Variants in NEDD4L observed in about 807,000 individuals in gnomAD.
NEDD4L encodes the protein E3 ubiquitin-protein ligase NEDD4-like.
A neutral mutation model predicts 148.9 loss-of-function variants in NEDD4L; 54 were observed. The observed-to-expected ratio is 0.36, with a 90% CI of 0.29 to 0.45. NEDD4L has a LOEUF of 0.45. Among genes scored for constraint, NEDD4L ranks in the 20% least tolerant of loss-of-function variants. The pLI is 1.00. For missense variants in NEDD4L, 856 were observed against 1,233.8 expected (o/e 0.69, Z 4.59); for synonymous variants, 433 against 440.7 (o/e 0.98, Z 0.22).
chr18:58,207,094 T>C (rs948348136), intron 2 of NEDD4L, among the ~76,000 whole-genome samples: 5 of 152,144 alleles, frequency 3.3e-5, no homozygotes, highest in Admixed American at 6.5e-5. Context: ...TGGAATCAGA[T>C]AGAATATTTT....
intron 13 of NEDD4L, among the ~76,000 whole-genome samples, chr18:58,339,352 A>G (rs746037259): frequency 6.6e-6 from 1 of 152,216 alleles, no homozygotes; most frequent in Middle Eastern, 3.2e-3. Flanking sequence ...AGGGGAGTCC[A>G]TTGAAGTGCC....
intron 1 of NEDD4L, among the ~76,000 whole-genome samples, chr18:58,145,110 G>A (rs897377794): frequency 2.0e-5 from 3 of 152,212 alleles, no homozygotes; most frequent in East Asian, 1.9e-4. Flanking sequence ...GGACGACATC[G>A]GACCCCACTG....
intron 5 of NEDD4L, chr18:58,255,607 G>C (rs114099985): frequency 1.6e-6 from 2 of 1,232,234 alleles, no homozygotes; most frequent in Admixed American, 4.2e-5. Flanking sequence ...TGTTGTTGCC[G>C]CTTGCCCTAG....
At chr18:58,330,991 G>A (rs556961452) in intron 11 of NEDD4L, 77 bp downstream of exon 11, 55 of 1,436,604 alleles carry the variant, frequency 3.8e-5, no homozygotes, top group Non-Finnish European at 4.7e-5. Flanking sequence ...AATCTCTTAC[G>A]TAAATAGTGA....
chr18:58,373,433 G>A (rs972030016), intron 24 of NEDD4L, among the ~76,000 whole-genome samples, 164 bp downstream of exon 24: 30 of 152,240 alleles, frequency 2.0e-4, no homozygotes, highest in Middle Eastern at 6.8e-3. Flanking sequence ...ATGCCAAGAC[G>A]CCACACTCCA....
intron 1 of NEDD4L, among the ~76,000 whole-genome samples, chr18:58,112,269 C>G (rs368752133): frequency 1.3e-5 from 2 of 152,154 alleles, no homozygotes; most frequent in Non-Finnish European, 2.9e-5. Flanking sequence ...AACTTTCAAG[C>G]TTAAACTGAA....
intron 2 of NEDD4L, chr18:58,193,742 G>A (rs2147235246): frequency 6.6e-6 from 1 of 152,364 alleles, no homozygotes; most frequent in South Asian, 2.1e-4. Flanking sequence ...CCTGCTCATT[G>A]TTTTTGACCT....
intron 5 of NEDD4L, among the ~76,000 whole-genome samples, chr18:58,270,178 C>A (rs572087871): frequency 6.6e-6 from 1 of 152,188 alleles, no homozygotes; most frequent in African/African-American, 2.4e-5. Flanking sequence ...GATAACTCCA[C>A]GTCTTGAAAG....
At chr18:58,161,443 T>C (rs1319278769) in intron 1 of NEDD4L, among the ~76,000 whole-genome samples, 2 of 151,582 alleles carry the variant, frequency 1.3e-5, no homozygotes, top group South Asian at 2.1e-4. Context: ...TTCTTTTTTT[T>C]TTTTTTTTTA....
In NEDD4L at chr18:58,315,950, GA is replaced by G. The variant is rs1166158053; in HGVS notation, c.298-29del. On this transcript the variant is annotated intron_variant, in intron 5 of 30. Coordinates refer to ENST00000400345, the MANE Select transcript of NEDD4L (RefSeq NM_001144967.3). Reference sequence around the variant, plus strand: ...AATGCTGACGCTCAGTGAAGAAATGGAAACACTAACTCTTTGTTCTCTTCCT... The same window carrying G: ...AATGCTGACGCTCAGTGAAGAAATGGAACACTAACTCTTTGTTCTCTTCCT... 4 of 1,584,904 alleles carry G rather than the reference GA, an allele frequency of 2.5e-6. No homozygotes were observed. The Admixed American group carries it at 5.0e-5, about 20-fold the overall frequency.
chr18:58,308,782 C>T (rs1040493759), intron 5 of NEDD4L, among the ~76,000 whole-genome samples: 3 of 152,214 alleles, frequency 2.0e-5, no homozygotes, highest in Admixed American at 6.5e-5. Context: ...TTTGTGTCTG[C>T]GTCAAGTCAG....
intron 1 of NEDD4L, among the ~76,000 whole-genome samples, chr18:58,083,993 A>C (rs2083612611): frequency 6.6e-6 from 1 of 152,164 alleles, no homozygotes; most frequent in Non-Finnish European, 1.5e-5. Flanking sequence ...AGCCCCTCAA[A>C]GTGCTGGGAT....
chr18:58,383,377 A>G, intron 25 of NEDD4L, 58 bp downstream of exon 25: 3 of 970,802 alleles, frequency 3.1e-6, no homozygotes, highest in Non-Finnish European at 4.8e-6. Flanking sequence ...ATGTTTGGTC[A>G]CTGTCCCTTG....
chr18:58,395,177 C>T (rs994252615), intron 30 of NEDD4L, among the ~76,000 whole-genome samples: 3 of 152,168 alleles, frequency 2.0e-5, no homozygotes, highest in Non-Finnish European at 1.5e-5. Context: ...TCATAATGAG[C>T]TGTGGCAAGT....
chr18:58,096,384 T>G lies in NEDD4L; in HGVS notation c.48+51676T>G, dbSNP rs2084406312. Among the ~76,000 whole-genome samples the G allele has an allele frequency of 2.1e-5, 3 of 142,650 alleles. No individual in the cohort carries two copies. The South Asian group carries it at 6.4e-4, about 30-fold the overall frequency. 93.6% of individuals were successfully genotyped at this position (142,650 alleles called of 152,430 possible). A position where few individuals can be genotyped will look rare whatever the true frequency, so the allele number is the denominator to read the frequency against. ...TTATTTTATTTTATTTTATTTTATT[T>G]TATTTTATTTTATTTTATTTTATTT... On this transcript the variant is annotated intron_variant, in intron 1 of 30. Transcript: ENST00000400345.
intron 4 of NEDD4L, among the ~76,000 whole-genome samples, chr18:58,249,389 G>A (rs1396991245): frequency 6.6e-6 from 1 of 152,124 alleles, no homozygotes; most frequent in Non-Finnish European, 1.5e-5. Context: ...GCATATATAT[G>A]TGTATAATAT....
At chr18:58,381,674 GAAC>G (rs1248831619) in intron 24 of NEDD4L, among the ~76,000 whole-genome samples, 1 of 152,142 alleles carries the variant, frequency 6.6e-6, no homozygotes. Flanking sequence ...CTTACCGAAG[GAAC>G]AACAAGGCAG....
intron 5 of NEDD4L, among the ~76,000 whole-genome samples, chr18:58,280,266 GCATTCCACTGTCCAGCC>G (rs1428963532): frequency 2.0e-5 from 3 of 151,966 alleles, no homozygotes; most frequent in South Asian, 2.1e-4. Context: ...ACTGTCCAGC[GCATTCCACTGTCCAGCC>G]CATTCCACTG....
In NEDD4L at chr18:58,396,254, T is replaced by C. The variant is rs1472628665; in HGVS notation, c.2913T>C (p.Phe971=). The C allele has an allele frequency of 6.2e-7, 1 of 1,612,190 alleles. No individual in the cohort carries two copies. Among genetic ancestry groups the C allele is most frequent in the South Asian group, 1.1e-5 (1 of 90,694 alleles). ...LLMAVENAQG[F]EGVD Reference sequence around the variant, plus strand: ...TGGCCGTGGAAAATGCTCAAGGATTTGAAGGGGTGGATTAAGCACCCTGTG... The same window carrying C: ...TGGCCGTGGAAAATGCTCAAGGATTCGAAGGGGTGGATTAAGCACCCTGTG... The change falls in exon 31 of 31, where the codon TTT becomes TTC. Residue 971 remains phenylalanine, a synonymous_variant. Transcript: ENST00000400345.
Sources: gnomAD v4.1 joint callset for allele counts (sites outside exome capture counted in the v4.1 genomes callset) on GRCh38, gnomAD v4.1.1 for gene constraint, MANE v1.5 for transcripts, NCBI Gene and HGNC (gene_info 2026-07-23, HGNC 2026-07-21) for gene names.